RAD50: variants seen among roughly 807,000 people sequenced by gnomAD.
The protein encoded by RAD50 is DNA repair protein RAD50.
RAD50 carries 132 observed loss-of-function variants against 168.8 expected under a neutral mutation model. The observed-to-expected ratio is 0.78, with a 90% CI of 0.68 to 0.90. RAD50 has a LOEUF of 0.90. Ranked by LOEUF, RAD50 falls within the 40% of genes least tolerant of loss-of-function variation. The probability of loss-of-function intolerance (pLI) is 0.00; values close to 1 mark genes in which losing one functional copy is unlikely to be tolerated. For synonymous variants in RAD50, 525 were observed against 497.4 expected (o/e 1.06, Z -0.74); for missense variants, 1,347 against 1,534.4 (o/e 0.88, Z 2.04).
At position 132,642,266 on chromosome 5, in the gene RAD50, G is replaced by A. The variant is rs781413356; in HGVS notation, c.3841G>A (p.Glu1281Lys). The change falls in exon 25 of 25, where the codon GAA (glutamate) becomes AAA (lysine). Residue 1281 changes from glutamate (E) to lysine (K), a missense_variant. Transcript: ENST00000378823. Reference sequence around the variant, plus strand: ...TTTTGTGGAGCTTTTAGGACGTTCTGAATATGTGGAGAAATTCTACAGGAT... The same window carrying A: ...TTTTGTGGAGCTTTTAGGACGTTCTAAATATGTGGAGAAATTCTACAGGAT... ...EDFVELLGRS[E>K]YVEKFYRIKK... The A allele has an allele frequency of 6.2e-7, 1 of 1,614,036 alleles. No individual in the cohort carries two copies. Among genetic ancestry groups the A allele is most frequent in the South Asian group, 1.1e-5 (1 of 91,068 alleles).
chr5:132,641,313 C>T (rs951727105), intron 24 of RAD50, among the ~76,000 whole-genome samples: 2 of 152,204 alleles, frequency 1.3e-5, no homozygotes, highest in African/African-American at 4.8e-5. Context: ...TTACCACATT[C>T]ACCTGGGGTC....
intron 17 of RAD50, 146 bp from the exon 18 acceptor site, chr5:132,608,971 A>G (rs1751034670): frequency 2.3e-6 from 3 of 1,291,468 alleles, no homozygotes; most frequent in Non-Finnish European, 3.1e-6. Context: ...ATAGGTGAGA[A>G]AGGGACTTGT....
At chr5:132,631,108 G>A (rs1751455279) in intron 21 of RAD50, among the ~76,000 whole-genome samples, 1 of 149,920 alleles carries the variant, frequency 6.7e-6, no homozygotes, top group African/African-American at 2.5e-5. Context: ...TGAGCTCCGA[G>A]AGAGTCTCAC....
chr5:132,591,888 T>G lies in RAD50; in HGVS notation c.1647T>G (p.Asp549Glu). The part of the protein sequence containing the change: ...EMLTKDKADK[D>E]EQIRKIKSRH... Reference sequence around the variant, plus strand: ...TTTTTTACCTATAGGCTGACAAAGATGAACAAATCAGAAAAATAAAATCTA... The same window carrying G: ...TTTTTTACCTATAGGCTGACAAAGAGGAACAAATCAGAAAAATAAAATCTA... The change falls in exon 11 of 25, where the codon GAT becomes GAG. Residue 549 changes from aspartate to glutamate, a missense_variant. Physicochemically the swap from Asp to Glu is conservative, Grantham distance 45. Coordinates refer to ENST00000378823, the MANE Select transcript of RAD50 (RefSeq NM_005732.4). 6.2e-7 allele frequency: 1 copy of G among 1,603,396 alleles called. No homozygotes were observed. The highest frequency in any genetic ancestry group is 8.5e-7 in the Non-Finnish European group (1 of 1,171,556).
chr5:132,625,180 G>A (rs1233249335), intron 21 of RAD50, among the ~76,000 whole-genome samples: 1 of 148,990 alleles, frequency 6.7e-6, no homozygotes, highest in East Asian at 2.0e-4. Flanking sequence ...TCCGCCTCCC[G>A]GGTTCACGCC....
intron 21 of RAD50, among the ~76,000 whole-genome samples, chr5:132,635,636 GC>G (rs1468386198): frequency 2.6e-5 from 4 of 152,326 alleles, no homozygotes; most frequent in African/African-American, 9.6e-5. Flanking sequence ...GGCCACCCCT[GC>G]CTTGTCTGGA....
chr5:132,642,691 A>G lies in RAD50; in HGVS notation c.*327A>G, dbSNP rs1398332356. The stretch of plus-strand genomic sequence containing the variant: ...TGCTTCTTCTCAAAGCACTGTTGAG[A>G]AGGAGATAATTACTGCCTTGAAAAT... On this transcript the variant is annotated 3_prime_UTR_variant, in exon 25 of 25. Transcript: ENST00000378823. The G allele has an allele frequency of 4.7e-6, 2 of 430,016 alleles. No individual in the cohort carries two copies. The highest frequency in any genetic ancestry group is 8.6e-6 in the Non-Finnish European group (2 of 232,792). The allele number at this position is 430,016 out of a possible 1,614,324, so 26.6% of individuals were successfully genotyped here. A position where few individuals can be genotyped will look rare whatever the true frequency, so the allele number is the denominator to read the frequency against.
At chr5:132,626,117 G>T (rs938609236) in intron 21 of RAD50, among the ~76,000 whole-genome samples, 1 of 151,910 alleles carries the variant, frequency 6.6e-6, no homozygotes, top group African/African-American at 2.4e-5. Flanking sequence ...TGATCCACCC[G>T]CCTCAGCCTC....
intron 21 of RAD50, among the ~76,000 whole-genome samples, chr5:132,619,871 G>GCTTT (rs1751253059): frequency 1.2e-5 from 1 of 84,926 alleles, no homozygotes; most frequent in African/African-American, 4.3e-5. Flanking sequence ...TATATATAAA[G>GCTTT]ATATATATAT....
At chr5:132,622,895 T>C (rs561191707) in intron 21 of RAD50, among the ~76,000 whole-genome samples, 1 of 152,324 alleles carries the variant, frequency 6.6e-6, no homozygotes, top group South Asian at 2.1e-4. Context: ...AGAGAAAACA[T>C]TGGCCTGCAT....
At chr5:132,569,398 T>A (rs1175813402) in intron 2 of RAD50, among the ~76,000 whole-genome samples, 1 of 152,092 alleles carries the variant, frequency 6.6e-6, no homozygotes, top group Non-Finnish European at 1.5e-5. Context: ...ACATCAGAAC[T>A]AGGGAAAATG....
At chr5:132,558,997 A>G (rs887249794) in intron 1 of RAD50, among the ~76,000 whole-genome samples, 34 of 152,346 alleles carry the variant, frequency 2.2e-4, no homozygotes, top group Admixed American at 1.6e-3. Context: ...CTTAACTGTT[A>G]GCCATTCTTA....
chr5:132,639,918 G>T (rs960131136), intron 23 of RAD50, among the ~76,000 whole-genome samples: 2 of 152,106 alleles, frequency 1.3e-5, no homozygotes, highest in Non-Finnish European at 2.9e-5. Context: ...TGATGTGTGC[G>T]CACCCACCCA....
chr5:132,568,436 A>G (rs976318515), intron 2 of RAD50, among the ~76,000 whole-genome samples: 1 of 152,112 alleles, frequency 6.6e-6, no homozygotes, highest in Non-Finnish European at 1.5e-5. Context: ...GAAAAGATGG[A>G]CATAATGTGT....
At position 132,646,326 on chromosome 5, in the gene RAD50, G is replaced by A. The variant is rs1292326786; in HGVS notation, c.*3962G>A. The A allele has an allele frequency of 2.6e-5, 4 of 152,138 alleles. No homozygotes were observed. The highest frequency in any genetic ancestry group is 4.8e-5 in the African/African-American group (2 of 41,436). 9.4% of individuals were successfully genotyped at this position (152,138 alleles called of 1,614,324 possible). A position where few individuals can be genotyped will look rare whatever the true frequency, so the allele number is the denominator to read the frequency against. On this transcript the variant is annotated 3_prime_UTR_variant, in exon 25 of 25. Transcript: ENST00000378823. ...ATCTGCACTTGAATATCTAATAAAC[G>A]TCTAAAACTTAAAATGACCAAAACC...
chr5:132,636,441 G>A lies in RAD50; in HGVS notation c.3390-674G>A, dbSNP rs542729232. Among the ~76,000 whole-genome samples the A allele has an allele frequency of 4.6e-5, 7 of 152,070 alleles. No homozygotes were observed. The East Asian group carries it at 1.3e-3, about 29-fold the overall frequency. On this transcript the variant is annotated intron_variant, in intron 21 of 24. Coordinates refer to ENST00000378823, the MANE Select transcript of RAD50 (RefSeq NM_005732.4). ...ATATGGAAGTTAATATTTAGAATTA[G>A]GATTTCTGAATCTGTGAAGGAAAGG...
chr5:132,580,972 T>C (rs931843464), intron 5 of RAD50, among the ~76,000 whole-genome samples: 2 of 152,160 alleles, frequency 1.3e-5, no homozygotes, highest in Non-Finnish European at 2.9e-5. Flanking sequence ...ATATATATTT[T>C]TAATGATGGC....
At position 132,637,262 on chromosome 5, in the gene RAD50, A is replaced by G. The variant is rs17166112; in HGVS notation, c.3475+62A>G. 7,352 of 1,567,368 alleles carry G rather than the reference A, an allele frequency of 4.7e-3. 483 individuals are homozygous for G. In the East Asian group the frequency reaches 0.13, roughly 28 times the overall value. On this transcript the variant is annotated intron_variant, in intron 22 of 24. Coordinates refer to ENST00000378823, the MANE Select transcript of RAD50 (RefSeq NM_005732.4). ...AGCCCTCTCCGCAGCTCTTCCCCTT[A>G]TGACCTCTCATCATGCCAGCATTAC...
chr5:132,575,989 G>T, intron 3 of RAD50, 61 bp downstream of exon 3: 1 of 1,464,500 alleles, frequency 6.8e-7, no homozygotes, highest in Non-Finnish European at 9.3e-7. Context: ...TCTGTAAGTT[G>T]ATGGTTGTTT....
Sources: allele counts gnomAD v4.1 joint callset (sites outside exome capture counted in the v4.1 genomes callset), GRCh38; gene constraint gnomAD v4.1.1; transcripts MANE v1.5; gene names NCBI Gene and HGNC (gene_info 2026-07-23, HGNC 2026-07-21).